The following DYSF variants were observed in gnomAD, a reference collection of about 807,000 sequenced individuals.
DYSF encodes the protein dysferlin.
DYSF carries 212 observed loss-of-function variants against 274.9 expected under a neutral mutation model. That is an observed-to-expected ratio of 0.77 (90% confidence interval 0.69 to 0.86). The LOEUF (loss-of-function observed/expected upper bound fraction) is 0.86. Ranked by LOEUF, DYSF falls within the 40% of genes least tolerant of loss-of-function variation. DYSF has a pLI of 0.00. For missense variants in DYSF, 2,666 were observed against 2,783.2 expected, an observed-to-expected ratio of 0.96 and a Z score of 0.95; for synonymous variants, 1,091 against 1,078.7, an observed-to-expected ratio of 1.01 and a Z score of -0.22.
chr2:71,540,122 T>C (rs2089790101), intron 17 of DYSF, among the ~76,000 whole-genome samples: 2 of 151,250 alleles, frequency 1.3e-5, no homozygotes, highest in Non-Finnish European at 3.0e-5. Flanking sequence ...TTCTTTTTTT[T>C]TTTTTTTGAG....
At position 71,543,379 on chromosome 2, in the gene DYSF, G is replaced by C. The variant is rs189223422; in HGVS notation, c.1576+4140G>C. Among the ~76,000 whole-genome samples the C allele has an allele frequency of 6.6e-3, 995 of 150,668 alleles. 14 individuals are homozygous for C. The highest frequency in any genetic ancestry group is 0.023 in the African/African-American group (948 of 40,866). ...AGAGACGCTCCTCACTTCCCAGACT[G>C]GGCAGCCGGGCAGAGGGGCTCCTCA... On this transcript the variant is annotated intron_variant, in intron 17 of 55. Transcript: ENST00000410020.
intron 48 of DYSF, 69 bp from the exon 49 acceptor site, chr2:71,668,685 C>A: frequency 6.8e-7 from 1 of 1,474,398 alleles, no homozygotes; most frequent in East Asian, 2.4e-5. Flanking sequence ...GCATCTGGCC[C>A]AGAGCAGGTG....
intron 38 of DYSF, 112 bp downstream of exon 38, chr2:71,611,738 A>AC: frequency 7.4e-7 from 1 of 1,349,502 alleles, no homozygotes; most frequent in Non-Finnish European, 1.0e-6. Flanking sequence ...CCAGGGTAGG[A>AC]CCCCTCACTT....
upstream of DYSF, among the ~76,000 whole-genome samples, chr2:71,466,232 G>C (rs979697866): frequency 1.3e-5 from 2 of 152,174 alleles, no homozygotes; most frequent in African/African-American, 4.8e-5. Flanking sequence ...CGGGGTGCAC[G>C]GCACGCTCCG....
chr2:71,587,159 G>A (rs13401232), intron 30 of DYSF, among the ~76,000 whole-genome samples: 1 of 152,184 alleles, frequency 6.6e-6, no homozygotes, highest in Admixed American at 6.5e-5. Flanking sequence ...AGCCAGGGGG[G>A]TGTTCTGTGG....
intron 30 of DYSF, among the ~76,000 whole-genome samples, chr2:71,587,029 G>T (rs139010281): frequency 6.6e-6 from 1 of 152,214 alleles, no homozygotes; most frequent in African/African-American, 2.4e-5. Flanking sequence ...TTGCACCTGC[G>T]GGCTGGCCAA....
chr2:71,650,598 T>C (rs2094639263), intron 42 of DYSF, among the ~76,000 whole-genome samples: 1 of 152,236 alleles, frequency 6.6e-6, no homozygotes, highest in South Asian at 2.1e-4. Flanking sequence ...CGTGTGGCAC[T>C]TTTACTACAA....
chr2:71,478,321 C>G (rs1214760420), intron 1 of DYSF, among the ~76,000 whole-genome samples: 1 of 151,766 alleles, frequency 6.6e-6, no homozygotes, highest in Non-Finnish European at 1.5e-5. Context: ...ACGCCATTCT[C>G]CTGCCTCAGC....
chr2:71,566,816 A>C (rs913509749), intron 24 of DYSF, among the ~76,000 whole-genome samples: 1 of 152,188 alleles, frequency 6.6e-6, no homozygotes, highest in Non-Finnish European at 1.5e-5. Context: ...TTGAAGATGA[A>C]CCAAAAGAAG....
At chr2:71,574,973 C>T (rs2092651953) in intron 30 of DYSF, among the ~76,000 whole-genome samples, 1 of 152,166 alleles carries the variant, frequency 6.6e-6, no homozygotes, top group African/African-American at 2.4e-5. Context: ...AGCGAGCACT[C>T]GGTACTGGCA....
intron 3 of DYSF, among the ~76,000 whole-genome samples, chr2:71,496,853 G>A (rs1043464494): frequency 6.6e-6 from 1 of 152,130 alleles, no homozygotes; most frequent in South Asian, 2.1e-4. Context: ...GTATAGACTG[G>A]GCTCCCCTTC....
intron 41 of DYSF, among the ~76,000 whole-genome samples, chr2:71,641,990 A>G (rs561026156): frequency 3.3e-5 from 5 of 152,146 alleles, no homozygotes; most frequent in Non-Finnish European, 5.9e-5. Flanking sequence ...ATGTTTGTCT[A>G]TTTAGTTGTC....
At position 71,551,703 on chromosome 2, in the gene DYSF, G is replaced by GA; in HGVS notation, c.1790dup (p.Asp597GlufsTer10). 1 of 1,608,234 alleles carries GA rather than the reference G, an allele frequency of 6.2e-7. No homozygotes were observed. The highest frequency in any genetic ancestry group is 1.1e-5 in the South Asian group (1 of 89,332). ...GAAGGTGGAGGACCTTCCTGCGGATGACATCCTCCGGGTGGAGGTGAGGGG... is the reference window on the plus strand; with the variant it reads ...GAAGGTGGAGGACCTTCCTGCGGATGAACATCCTCCGGGTGGAGGTGAGGGG... On this transcript the variant is annotated frameshift_variant, in exon 19 of 56. Coordinates refer to ENST00000410020, the MANE Select transcript of DYSF (RefSeq NM_001130987.2). LOFTEE classifies it high-confidence loss of function.
At chr2:71,536,988 A>C (rs2089409684) in intron 16 of DYSF, among the ~76,000 whole-genome samples, 1 of 152,040 alleles carries the variant, frequency 6.6e-6, no homozygotes, top group Non-Finnish European at 1.5e-5. Flanking sequence ...ACAACAACAA[A>C]AAAACCCCAA....
intron 3 of DYSF, among the ~76,000 whole-genome samples, chr2:71,492,605 A>C (rs2083957404): frequency 6.6e-6 from 1 of 152,006 alleles, no homozygotes; most frequent in African/African-American, 2.4e-5. Context: ...AAGAACATCC[A>C]TATATTCTTT....
chr2:71,545,473 G>A (rs1001020125), intron 17 of DYSF, among the ~76,000 whole-genome samples: 11 of 152,182 alleles, frequency 7.2e-5, no homozygotes, highest in African/African-American at 2.4e-4. Flanking sequence ...AATCTGTTCC[G>A]GGATGTGGCC....
rs761500109 is a variant in DYSF, at chr2:71,681,128, G to A, written c.6173+18G>A. 1 of 1,609,022 alleles carries A rather than the reference G, an allele frequency of 6.2e-7. No individual in the cohort carries two copies. Among genetic ancestry groups the A allele is most frequent in the Non-Finnish European group, 8.5e-7 (1 of 1,176,200 alleles). ...GACCCAAGGTCAGTGCCCAGCCCCT[G>A]AGCCCCAATGCCCACAGGTCTGGGG... On this transcript the variant is annotated intron_variant, in intron 54 of 55. Transcript: ENST00000410020.
chr2:71,645,509 TC>T (rs1470529762), intron 42 of DYSF, among the ~76,000 whole-genome samples: 2 of 151,708 alleles, frequency 1.3e-5, no homozygotes, highest in African/African-American at 2.4e-5. Flanking sequence ...CCTCTCGATG[TC>T]CAGCAACTTG....
At chr2:71,602,913 A>G (rs2093580452) in intron 36 of DYSF, 108 bp downstream of exon 36, 1 of 1,347,386 alleles carries the variant, frequency 7.4e-7, no homozygotes, top group Admixed American at 1.9e-5. Context: ...CCCAGCAGGC[A>G]TCTGTCACAT....
Sources: allele counts gnomAD v4.1 joint callset (sites outside exome capture counted in the v4.1 genomes callset), GRCh38; gene constraint gnomAD v4.1.1; transcripts MANE v1.5; gene names NCBI Gene and HGNC (gene_info 2026-07-23, HGNC 2026-07-21).